RBFOX3: variants seen among roughly 807,000 people sequenced by gnomAD.
RBFOX3 encodes the protein RNA binding protein fox-1 homolog 3.
In RBFOX3, 17 loss-of-function variants were observed where a neutral mutation model predicts 48.7. The observed-to-expected ratio is 0.35, with a 90% CI of 0.24 to 0.52. The LOEUF (loss-of-function observed/expected upper bound fraction) is 0.52, where lower values mean the gene tolerates loss of function less well. RBFOX3 is among the 20% of genes least tolerant of loss of function. RBFOX3 has a pLI of 0.94. For missense variants in RBFOX3, 382 were observed against 497.5 expected, an observed-to-expected ratio of 0.77 and a Z score of 2.21; for synonymous variants, 212 against 209.5, an observed-to-expected ratio of 1.01 and a Z score of -0.10.
chr17:79,552,456 A>G (rs923130574), intron 1 of RBFOX3, among the ~76,000 whole-genome samples: 3 of 152,162 alleles, frequency 2.0e-5, no homozygotes, highest in African/African-American at 7.2e-5. Context: ...TGCCATAAGA[A>G]TATCATTATC....
rs146120196 is a variant in RBFOX3, at chr17:79,157,404, A to T, written c.-33-41656T>A. 5.2e-3 allele frequency among the ~76,000 whole-genome samples: 785 copies of T among 152,274 alleles called. 7 individuals are homozygous for T. The highest frequency in any genetic ancestry group is 0.018 in the African/African-American group (748 of 41,552). Reference sequence around the variant, plus strand: ...CACTGACCACAAAGCTTCTCCCCGTAAGGCCCCGGAATCTGATCAGGACCC... The same window carrying T: ...CACTGACCACAAAGCTTCTCCCCGTTAGGCCCCGGAATCTGATCAGGACCC... On this transcript the variant is annotated intron_variant, in intron 4 of 14. Transcript: ENST00000693108.
At chr17:79,562,651 T>C (rs1176177355) in intron 1 of RBFOX3, among the ~76,000 whole-genome samples, 5 of 152,132 alleles carry the variant, frequency 3.3e-5, no homozygotes, top group African/African-American at 1.2e-4. Context: ...ACCCGGGCTG[T>C]TGCTGCTGCC....
At chr17:79,591,543 A>G (rs1430180490) in intron 1 of RBFOX3, among the ~76,000 whole-genome samples, 1 of 152,208 alleles carries the variant, frequency 6.6e-6, no homozygotes, top group African/African-American at 2.4e-5. Flanking sequence ...AGGTCCCAGC[A>G]GAAGGTGGCG....
chr17:79,215,311 G>A (rs536161492), intron 4 of RBFOX3, among the ~76,000 whole-genome samples: 25 of 152,332 alleles, frequency 1.6e-4, no homozygotes, highest in African/African-American at 3.1e-4. Context: ...CTGCAGCCCC[G>A]TCAACCAAAG....
At chr17:79,162,788 CG>C (rs1440584128) in intron 4 of RBFOX3, among the ~76,000 whole-genome samples, 1 of 151,930 alleles carries the variant, frequency 6.6e-6, no homozygotes, top group Non-Finnish European at 1.5e-5. Context: ...AAGGAGGGGA[CG>C]GCGGAGAGAG....
intron 1 of RBFOX3, among the ~76,000 whole-genome samples, chr17:79,544,777 C>T (rs1480505552): frequency 6.6e-6 from 1 of 151,914 alleles, no homozygotes; most frequent in Non-Finnish European, 1.5e-5. Context: ...TCCTCACCTC[C>T]TGAGCAGCAC....
At position 79,198,876 on chromosome 17, in the gene RBFOX3, G is replaced by A. The variant is rs2056248255; in HGVS notation, c.-34+36890C>T. ...ACTCCTGACCTCAGGTGATCCACTC[G>A]CCTCGGCCTCCCAAAGTGCTGGGAT... On this transcript the variant is annotated intron_variant, in intron 4 of 14. Transcript: ENST00000693108. The surrounding 1 kb of genome is among the most constrained non-coding windows in gnomAD (Gnocchi z 8.2). Among the ~76,000 whole-genome samples the A allele has an allele frequency of 6.6e-6, 1 of 152,012 alleles. No individual in the cohort carries two copies. Among genetic ancestry groups the A allele is most frequent in the Admixed American group, 6.6e-5 (1 of 15,254 alleles).
At chr17:79,466,974 C>T (rs1207275092) in intron 2 of RBFOX3, among the ~76,000 whole-genome samples, 1 of 152,180 alleles carries the variant, frequency 6.6e-6, no homozygotes, top group Non-Finnish European at 1.5e-5. Context: ...ATGGGGACAT[C>T]CCTGTCTGTG....
intron 1 of RBFOX3, among the ~76,000 whole-genome samples, chr17:79,506,991 C>CCTGAGAAA (rs2083240575): frequency 6.6e-6 from 1 of 152,204 alleles, no homozygotes; most frequent in African/African-American, 2.4e-5. Context: ...CAAGCATCTG[C>CCTGAGAAA]CTGAGAAATC....
At chr17:79,428,380 G>C (rs559754515) in intron 2 of RBFOX3, among the ~76,000 whole-genome samples, 190 of 152,314 alleles carry the variant, frequency 1.2e-3, no homozygotes, top group African/African-American at 4.5e-3. Flanking sequence ...GTCTGCCCCC[G>C]CCCAGCCTTC....
chr17:79,124,188 C>T (rs2036543033), intron 4 of RBFOX3, among the ~76,000 whole-genome samples: 1 of 152,226 alleles, frequency 6.6e-6, no homozygotes, highest in South Asian at 2.1e-4. Context: ...ATTTACACCA[C>T]AGGAATCGGC....
At chr17:79,462,567 T>C (rs548936611) in intron 2 of RBFOX3, among the ~76,000 whole-genome samples, 1 of 152,160 alleles carries the variant, frequency 6.6e-6, no homozygotes, top group Non-Finnish European at 1.5e-5. Context: ...GGAGACATTA[T>C]TGGTTGTTAC....
intron 3 of RBFOX3, among the ~76,000 whole-genome samples, chr17:79,291,503 C>T (rs780939681): frequency 2.6e-5 from 4 of 152,172 alleles, no homozygotes; most frequent in African/African-American, 9.7e-5. Flanking sequence ...AGCTCTTGGT[C>T]AGGGATGCTC....
At chr17:79,174,219 G>A (rs887473616) in intron 4 of RBFOX3, among the ~76,000 whole-genome samples, 2 of 152,128 alleles carry the variant, frequency 1.3e-5, no homozygotes, top group African/African-American at 4.8e-5. Context: ...GCTGTCCTCT[G>A]CCTTGCCCTA....
intron 4 of RBFOX3, among the ~76,000 whole-genome samples, chr17:79,164,024 G>T (rs2047498645): frequency 6.6e-6 from 1 of 152,232 alleles, no homozygotes; most frequent in Non-Finnish European, 1.5e-5. Context: ...CTGCAGGCAG[G>T]CCCACCTCCA....
At chr17:79,267,467 T>A (rs1046337541) in intron 3 of RBFOX3, among the ~76,000 whole-genome samples, 2 of 152,112 alleles carry the variant, frequency 1.3e-5, no homozygotes, top group African/African-American at 4.8e-5. Flanking sequence ...CTCGGCTTAC[T>A]GCAACCTCCA....
chr17:79,106,929 TGGC>T, intron 5 of RBFOX3, 141 bp from the exon 6 acceptor site: 1 of 1,138,078 alleles, frequency 8.8e-7, no homozygotes, highest in Non-Finnish European at 1.2e-6. Flanking sequence ...CTGGGATCCT[TGGC>T]AGAATCTGGG....
the RBFOX3 span, among the ~76,000 whole-genome samples, chr17:79,616,803 G>A: frequency 1.3e-5 from 2 of 152,280 alleles, no homozygotes; most frequent in Admixed American, 6.5e-5. Flanking sequence ...CGAAACACGC[G>A]GGGCAGATGT....
intron 1 of RBFOX3, chr17:79,599,181 G>A (rs2093642845): frequency 6.6e-6 from 1 of 152,274 alleles, no homozygotes; most frequent in Admixed American, 6.5e-5. Flanking sequence ...TGGGGGAAGA[G>A]GGTCAGGCTA....
Sources: gnomAD v4.1 joint callset for allele counts (sites outside exome capture counted in the v4.1 genomes callset) on GRCh38, gnomAD v4.1.1 for gene constraint, Gnocchi (gnomAD v3.1) non-coding constraint, MANE v1.5 for transcripts, NCBI Gene and HGNC (gene_info 2026-07-23, HGNC 2026-07-21) for gene names.